DNAH10: variants seen among roughly 807,000 people sequenced by gnomAD.
The protein encoded by DNAH10 is dynein axonemal heavy chain 10.
DNAH10 carries 348 observed loss-of-function variants against 506.6 expected under a neutral mutation model. The observed-to-expected ratio is 0.69, with a 90% CI of 0.63 to 0.75. DNAH10 has a LOEUF of 0.75. Among genes scored for constraint, DNAH10 ranks in the 30% least tolerant of loss-of-function variants. The pLI, the probability that DNAH10 is intolerant of heterozygous loss-of-function variation, is 0.00. For missense variants in DNAH10, 5,179 were observed against 5,787.1 expected (o/e 0.89, Z 3.41); for synonymous variants, 2,059 against 2,198.6 (o/e 0.94, Z 1.78).
intron 44 of DNAH10, 137 bp downstream of exon 44, chr12:123,870,622 G>A (rs899545417): frequency 6.2e-6 from 8 of 1,299,238 alleles, no homozygotes; most frequent in African/African-American, 1.5e-5. Flanking sequence ...ATTGAAGAGG[G>A]TGAGCTGTGG....
intron 5 of DNAH10, among the ~76,000 whole-genome samples, chr12:123,777,363 C>T (rs1957479149): frequency 6.6e-6 from 1 of 152,208 alleles, no homozygotes; most frequent in African/African-American, 2.4e-5. Flanking sequence ...AGGGGCCCGC[C>T]GTGCCACTTG....
At chr12:123,839,771 TC>T (rs1232921190) in intron 29 of DNAH10, among the ~76,000 whole-genome samples, 1 of 151,122 alleles carries the variant, frequency 6.6e-6, no homozygotes, top group African/African-American at 2.4e-5. Context: ...CACGCCATTC[TC>T]CTGCCTCAGC....
At chr12:123,774,940 C>T (rs79687357) in intron 5 of DNAH10, among the ~76,000 whole-genome samples, 19,999 of 152,074 alleles carry the variant, frequency 0.13, 2,826 homozygotes, top group African/African-American at 0.36. Flanking sequence ...CCCTGCTCTC[C>T]AGGAGCTTAT....
rs780098376 is a variant in DNAH10, at chr12:123,931,665, G to A, written c.12946G>A (p.Asp4316Asn). The change falls in exon 75 of 79, where the codon GAT (aspartate) becomes AAT (asparagine). Residue 4316 changes from aspartate (D) to asparagine (N), a missense_variant. Physicochemically the swap from Asp to Asn is conservative, Grantham distance 23. Transcript: ENST00000673944. ...ATCCAGCAGTGGTATCAGCCGCGAT[G>A]ATTATATTGGCCAAGTGGCCAAAGA... Reference protein sequence around the residue: ...GESSSGISRDDYIGQVAKEIE... With the variant: ...GESSSGISRDNYIGQVAKEIE... 5.0e-6 allele frequency: 8 copies of A among 1,613,926 alleles called. No individual in the cohort carries two copies. Among genetic ancestry groups the A allele is most frequent in the Non-Finnish European group, 6.8e-6 (8 of 1,179,912 alleles).
Position 123,918,869 on chromosome 12 carries a change from T to G in DNAH10, c.11426T>G (p.Leu3809Arg), listed in dbSNP as rs765955191. ...TTCAGGCTGTCACTGAAGAAGTCGCTGCCTGATTCCATCCTCATGAAACGC... is the reference window on the plus strand; with the variant it reads ...TTCAGGCTGTCACTGAAGAAGTCGCGGCCTGATTCCATCCTCATGAAACGC... ...EVFRLSLKKSLPDSILMKRLR... is the reference protein window; with the variant it reads ...EVFRLSLKKSRPDSILMKRLR... Residue 3809 changes from leucine to arginine, a missense_variant, in exon 65 of 79, where the codon CTG becomes CGG. Around this residue, in one of 3 missense-constraint regions of DNAH10, gnomAD observed 4,844 missense variants for 5,430.5 expected, o/e 0.89. Coordinates refer to ENST00000673944, the MANE Select transcript of DNAH10 (RefSeq NM_001372106.1). The G allele has an allele frequency of 1.9e-6, 3 of 1,613,962 alleles. No homozygotes were observed. The highest frequency in any genetic ancestry group is 2.5e-6 in the Non-Finnish European group (3 of 1,179,900).
chr12:123,796,969 C>G (rs1958301414), intron 13 of DNAH10, 137 bp downstream of exon 13: 3 of 710,072 alleles, frequency 4.2e-6, no homozygotes, highest in Non-Finnish European at 6.4e-6. Flanking sequence ...CTCCCAGGTT[C>G]AAGCGATTCT....
At chr12:123,854,096 G>A (rs1337345321) in intron 36 of DNAH10, among the ~76,000 whole-genome samples, 5 of 148,120 alleles carry the variant, frequency 3.4e-5, no homozygotes, top group Non-Finnish European at 7.4e-5. Flanking sequence ...TTTTGGAGGG[G>A]TCGAAGGAAG....
chr12:123,806,275 A>T (rs370037941), intron 18 of DNAH10, among the ~76,000 whole-genome samples: 5 of 152,206 alleles, frequency 3.3e-5, no homozygotes, highest in African/African-American at 1.2e-4. Context: ...ATCTGAACAC[A>T]TAGGAAAGCT....
intron 35 of DNAH10, among the ~76,000 whole-genome samples, chr12:123,852,615 C>A (rs558766666): frequency 6.6e-6 from 1 of 151,894 alleles, no homozygotes; most frequent in South Asian, 2.1e-4. Flanking sequence ...CTCTGTCACC[C>A]AGGTTGGAGT....
chr12:123,924,335 A>G lies in DNAH10; in HGVS notation c.11669A>G (p.Gln3890Arg), dbSNP rs761000436. ...AAGCCCTGCGCTTGGTTGTCTGACC[A>G]AGGATGGGAAGATATCATTCTTTTA... ...RKKPCAWLSD[Q>R]GWEDIILLSE... Residue 3890 changes from glutamine to arginine, a missense_variant, in exon 67 of 79, where the codon CAA (glutamine) becomes CGA (arginine). Gln to Arg is a conservative substitution (Grantham distance 43). Coordinates refer to ENST00000673944, the MANE Select transcript of DNAH10 (RefSeq NM_001372106.1). 1 of 1,613,476 alleles carries G rather than the reference A, an allele frequency of 6.2e-7. No homozygotes were observed. The highest frequency in any genetic ancestry group is 8.5e-7 in the Non-Finnish European group (1 of 1,179,618).
Position 123,907,763 on chromosome 12 carries a change from G to A in DNAH10, c.9816-1498G>A, listed in dbSNP as rs1412148706. Reference sequence around the variant, plus strand: ...TGCTTGTTCACAGAGCGGTGGCCGGGGCCTGGTTTCCATCCACCCTGAAGG... The same window carrying A: ...TGCTTGTTCACAGAGCGGTGGCCGGAGCCTGGTTTCCATCCACCCTGAAGG... On this transcript the variant is annotated intron_variant, in intron 57 of 78. Transcript: ENST00000673944. This position sits in a 1 kb window ranked among gnomAD's most constrained non-coding sequence, Gnocchi z 4.4. 1.3e-5 allele frequency among the ~76,000 whole-genome samples: 2 copies of A among 152,118 alleles called. No homozygotes were observed. The highest frequency in any genetic ancestry group is 2.1e-4 in the South Asian group (1 of 4,826).
Position 123,926,777 on chromosome 12 carries a change from G to A in DNAH10, c.12062G>A (p.Gly4021Glu). Residue 4021 changes from glycine (G) to glutamate (E), a missense_variant, in exon 69 of 79, where the codon GGA becomes GAA. By Grantham distance (98) the Gly-to-Glu change is moderately conservative. Coordinates refer to ENST00000673944, the MANE Select transcript of DNAH10 (RefSeq NM_001372106.1). The surrounding 1 kb of genome is among the most constrained non-coding windows in gnomAD (Gnocchi z 4.1). ...TTAGCAGAGCGAAGTGGTTTTGGAG[G>A]AAATCGCCTCAAATTCCTTGCAATG... ...MKLAERSGFG[G>E]NRLKFLAMGQ... The A allele has an allele frequency of 3.1e-6, 5 of 1,613,972 alleles. No homozygotes were observed. The highest frequency in any genetic ancestry group is 4.2e-6 in the Non-Finnish European group (5 of 1,179,888).
intron 26 of DNAH10, among the ~76,000 whole-genome samples, chr12:123,832,602 T>A (rs1162560558): frequency 6.6e-6 from 1 of 152,080 alleles, no homozygotes; most frequent in Non-Finnish European, 1.5e-5. Context: ...CTTGACCTCC[T>A]AAAGTATTAG....
rs1951024666 is a variant in DNAH10 at position 123,848,000 on chromosome 12, G to T, written c.5854G>T (p.Ala1952Ser). The change falls in exon 33 of 79, where the codon GCA becomes TCA. Residue 1952 changes from alanine to serine, a missense_variant. By Grantham distance (99) the Ala-to-Ser change is moderately conservative (BLOSUM62 1). This residue lies in a region of DNAH10 where 4,844 missense variants were observed against 5,430.5 expected (regional missense o/e 0.89). Transcript: ENST00000673944. ...TCTAGGTGGGGCCCCCGCCGGCCCAGCAGGAACCGGCAAAACCGAGACCAC... is the reference window on the plus strand; with the variant it reads ...TCTAGGTGGGGCCCCCGCCGGCCCATCAGGAACCGGCAAAACCGAGACCAC... The part of the protein sequence containing the change: ...MYLGGAPAGP[A>S]GTGKTETTKD... The T allele has an allele frequency of 4.3e-6, 7 of 1,613,814 alleles. No individual in the cohort carries two copies. Among genetic ancestry groups the T allele is most frequent in the Non-Finnish European group, 5.9e-6 (7 of 1,179,850 alleles).
At chr12:123,885,438 C>A in intron 51 of DNAH10, among the ~76,000 whole-genome samples, 1 of 152,180 alleles carries the variant, frequency 6.6e-6, no homozygotes, top group African/African-American at 2.4e-5. Context: ...CAGTGATGAA[C>A]ACCTTTGTTT....
chr12:123,773,074 G>T, intron 4 of DNAH10, 132 bp downstream of exon 4: 3 of 608,578 alleles, frequency 4.9e-6, no homozygotes, highest in Non-Finnish European at 8.4e-6. Context: ...TTTCCATACT[G>T]TACTGGGTTC....
chr12:123,769,912 C>A (rs1451440072), intron 2 of DNAH10, among the ~76,000 whole-genome samples: 6 of 144,296 alleles, frequency 4.2e-5, no homozygotes, highest in Non-Finnish European at 9.0e-5. Context: ...TGCCACCATG[C>A]CTGGCTAAGG....
chr12:123,898,005 ATTAT>A, intron 55 of DNAH10, 38 bp downstream of exon 55: 1 of 1,514,832 alleles, frequency 6.6e-7, no homozygotes, highest in Non-Finnish European at 8.8e-7. Flanking sequence ...AAAAGTCATT[ATTAT>A]TTATGGGTAA....
chr12:123,866,111 T>A (rs746431158), intron 41 of DNAH10, 38 bp downstream of exon 41: 6 of 1,522,938 alleles, frequency 3.9e-6, no homozygotes, highest in Non-Finnish European at 5.3e-6. Context: ...AATTTATTAG[T>A]ATTGATGGCT....
Sources: allele counts gnomAD v4.1 joint callset (sites outside exome capture counted in the v4.1 genomes callset), GRCh38; gene constraint gnomAD v4.1.1; regional missense constraint gnomAD v4.1.1; non-coding constraint Gnocchi (gnomAD v3.1); transcripts MANE v1.5; gene names NCBI Gene and HGNC (gene_info 2026-07-23, HGNC 2026-07-21).